The following CAP1 variants were observed in gnomAD, a reference collection of about 807,000 sequenced individuals.
CAP1 encodes cyclase associated actin cytoskeleton regulatory protein 1.
In CAP1, 11 loss-of-function variants were observed where a neutral mutation model predicts 58.2. The observed-to-expected ratio is 0.19, with a 90% confidence interval of 0.12 to 0.31. CAP1 has a LOEUF of 0.31. Ranked by LOEUF, CAP1 falls within the 10% of genes least tolerant of loss-of-function variation. The pLI is 1.00. For missense variants in CAP1, 423 were observed against 587.5 expected, an observed-to-expected ratio of 0.72 and a Z score of 2.89; for synonymous variants, 183 against 213.8, an observed-to-expected ratio of 0.86 and a Z score of 1.26.
At chr1:40,058,299 A>T (rs79459916) in intron 1 of CAP1, among the ~76,000 whole-genome samples, 3,592 of 152,280 alleles carry the variant, frequency 0.024, 90 homozygotes, top group East Asian at 0.079. Context: ...TGATCCTTCC[A>T]GCTGATATAT....
At chr1:40,065,823 C>G (rs1647044000) in intron 6 of CAP1, among the ~76,000 whole-genome samples, 1 of 152,166 alleles carries the variant, frequency 6.6e-6, no homozygotes, top group Admixed American at 6.5e-5. Flanking sequence ...AAGAGCTCTC[C>G]TCTCTACCAT....
chr1:40,049,296 T>A (rs1009136694), intron 1 of CAP1, among the ~76,000 whole-genome samples: 3 of 150,938 alleles, frequency 2.0e-5, no homozygotes, highest in African/African-American at 7.3e-5. Context: ...CAAGAGATTC[T>A]TGTGCCTCAG....
rs1647066639 is a variant in CAP1 at position 40,066,123 on chromosome 1, G to A, written c.525-92G>A. 14 of 730,520 alleles carry A rather than the reference G, an allele frequency of 1.9e-5. No homozygotes were observed. In the Admixed American group the frequency reaches 2.7e-4, roughly 14 times the overall value. The allele number at this position is 730,520 out of a possible 1,614,324, so 45.3% of individuals were successfully genotyped here. On this transcript the variant is annotated intron_variant, in intron 6 of 12. Coordinates refer to ENST00000372805, the MANE Select transcript of CAP1 (RefSeq NM_006367.4). ...GGAGCCTAAGAAACACCACGGGTAG[G>A]AGAATGTGAGCCCATAGGAAAGAAG...
rs567349047 is a variant in CAP1 at position 40,056,127 on chromosome 1, A to G, written c.-10-3210A>G. On this transcript the variant is annotated intron_variant, in intron 1 of 12. Transcript: ENST00000372805. Reference sequence around the variant, plus strand: ...AACCTCCAATCTCTCTGATTTCTCTAAAGAACACTCTTATCCACTATATAA... The same window carrying G: ...AACCTCCAATCTCTCTGATTTCTCTGAAGAACACTCTTATCCACTATATAA... Among the ~76,000 whole-genome samples the G allele has an allele frequency of 7.9e-5, 12 of 152,314 alleles. No individual in the cohort carries two copies. The East Asian group carries it at 1.2e-3, about 15-fold the overall frequency.
chr1:40,068,529 C>G (rs930318149), intron 8 of CAP1, among the ~76,000 whole-genome samples: 2 of 151,838 alleles, frequency 1.3e-5, no homozygotes, highest in Non-Finnish European at 2.9e-5. Context: ...CTGCCCACCT[C>G]GGCCTCCCAA....
chr1:40,058,236 C>T (rs1435822130), intron 1 of CAP1, among the ~76,000 whole-genome samples: 1 of 152,294 alleles, frequency 6.6e-6, no homozygotes, highest in South Asian at 2.1e-4. Flanking sequence ...AGATCTTTCT[C>T]ATCTTCATTT....
intron 1 of CAP1, chr1:40,041,342 T>A (rs1045680178): frequency 1.7e-4 from 26 of 150,454 alleles, no homozygotes; most frequent in African/African-American, 5.9e-4. Context: ...TGCGTGGAAC[T>A]TTTTTTTTTC....
At chr1:40,040,827 T>C (rs1431212451) in intron 1 of CAP1, 26 bp downstream of exon 1, 1 of 152,988 alleles carries the variant, frequency 6.5e-6, no homozygotes, top group African/African-American at 2.4e-5. Context: ...TTGGTAGGGA[T>C]TGGGGTCCCT....
intron 1 of CAP1, among the ~76,000 whole-genome samples, chr1:40,055,206 G>A (rs1233320979): frequency 1.3e-5 from 2 of 152,190 alleles, no homozygotes; most frequent in African/African-American, 4.8e-5. Context: ...GGTTGCTGTA[G>A]TGTGCTAAGG....
chr1:40,062,520 C>G (rs1042146206), intron 4 of CAP1, among the ~76,000 whole-genome samples: 8 of 152,074 alleles, frequency 5.3e-5, no homozygotes, highest in African/African-American at 1.7e-4. Context: ...GAGGCTGAGG[C>G]AGGAGGATCA....
Position 40,071,717 on chromosome 1 carries a change from C to A in CAP1, c.*184C>A. Reference sequence around the variant, plus strand: ...TGAAATTTGGGGTGGGATAGCAGGTCAGTTGATCTTCTGCAGGAAGGTGCA... The same window carrying A: ...TGAAATTTGGGGTGGGATAGCAGGTAAGTTGATCTTCTGCAGGAAGGTGCA... On this transcript the variant is annotated 3_prime_UTR_variant, in exon 13 of 13. Transcript: ENST00000372805. The A allele has an allele frequency of 1.7e-6, 1 of 575,894 alleles. No homozygotes were observed. The highest frequency in any genetic ancestry group is 3.1e-6 in the Non-Finnish European group (1 of 321,802). 35.7% of individuals were successfully genotyped at this position (575,894 alleles called of 1,614,324 possible). A position where few individuals can be genotyped will look rare whatever the true frequency, so the allele number is the denominator to read the frequency against.
At chr1:40,053,874 G>C (rs1646491638) in intron 1 of CAP1, among the ~76,000 whole-genome samples, 1 of 152,168 alleles carries the variant, frequency 6.6e-6, no homozygotes, top group Admixed American at 6.5e-5. Flanking sequence ...GATTAATAAT[G>C]TTAAGCATTT....
intron 8 of CAP1, 44 bp from the exon 9 acceptor site, chr1:40,069,646 G>A: frequency 6.5e-7 from 1 of 1,545,878 alleles, no homozygotes; most frequent in Non-Finnish European, 8.9e-7. Flanking sequence ...CAGCTCAAAG[G>A]TCTGGTATGA....
In CAP1 at chr1:40,066,332, C is replaced by A. The variant is rs76948641; in HGVS notation, c.630+12C>A. The A allele has an allele frequency of 4.0e-3, 5,607 of 1,416,358 alleles. 107 individuals carry two copies. The East Asian group carries it at 0.041, about 10-fold the overall frequency. 87.7% of individuals were successfully genotyped at this position (1,416,358 alleles called of 1,614,324 possible). On this transcript the variant is annotated intron_variant, in intron 7 of 12. Coordinates refer to ENST00000372805, the MANE Select transcript of CAP1 (RefSeq NM_006367.4). ...CCTGGAGCAAAACGGTTAGTGAATC[C>A]TTCCTCCCTCCCTCCCTCCCTCCCA...
chr1:40,070,224 A>G lies in CAP1; in HGVS notation c.1059A>G (p.Ile353Met), dbSNP rs375578395. ...EDTELKQVAY[I>M]YKCVNTTLQI... ...CAGAGCTGAAACAGGTGGCTTACATATACAAGTGTGTCAACACGACATTGC... is the reference window on the plus strand; with the variant it reads ...CAGAGCTGAAACAGGTGGCTTACATGTACAAGTGTGTCAACACGACATTGC... Residue 353 changes from isoleucine (I) to methionine (M), a missense_variant, in exon 10 of 13, where the codon ATA becomes ATG. By Grantham distance (10) the Ile-to-Met change is conservative. Transcript: ENST00000372805. The G allele has an allele frequency of 3.0e-5, 49 of 1,614,104 alleles. No individual in the cohort carries two copies. The highest frequency in any genetic ancestry group is 4.1e-5 in the Non-Finnish European group (48 of 1,180,038).
Position 40,072,397 on chromosome 1 carries a change from G to C in CAP1, c.*864G>C. ...GCTTATGGCTTCTGTCTAAGCACCT[G>C]AACAGAGGACTGAAACCTCCACTGC... is the stretch of plus-strand genomic sequence containing the variant. On this transcript the variant is annotated 3_prime_UTR_variant, in exon 13 of 13. Coordinates refer to ENST00000372805, the MANE Select transcript of CAP1 (RefSeq NM_006367.4). 3.9e-6 allele frequency: 1 copy of C among 257,766 alleles called. No homozygotes were observed. Among genetic ancestry groups the C allele is most frequent in the Admixed American group, 5.4e-5 (1 of 18,500 alleles). The allele number at this position is 257,766 out of a possible 1,614,324, so 16.0% of individuals were successfully genotyped here.
rs761683753 is a variant in CAP1 at position 40,064,213 on chromosome 1, G to A, written c.295-14G>A. 15 of 1,613,254 alleles carry A rather than the reference G, an allele frequency of 9.3e-6. No homozygotes were observed. Among genetic ancestry groups the A allele is most frequent in the Non-Finnish European group, 1.7e-6 (2 of 1,179,536 alleles). On this transcript the variant is annotated splice_polypyrimidine_tract_variant and intron_variant, in intron 4 of 12. Coordinates refer to ENST00000372805, the MANE Select transcript of CAP1 (RefSeq NM_006367.4). ...AAGATGTTAACCTGAATCTTTTCTT[G>A]TATCTTTTCCTAGAATAAGCTTTCC...
intron 1 of CAP1, among the ~76,000 whole-genome samples, chr1:40,047,536 T>C (rs1646161148): frequency 6.6e-6 from 1 of 152,250 alleles, no homozygotes; most frequent in Non-Finnish European, 1.5e-5. Flanking sequence ...AGATGAATCA[T>C]GGCTAAGGAC....
At chr1:40,067,066 A>G (rs892438410) in intron 7 of CAP1, among the ~76,000 whole-genome samples, 1 of 152,214 alleles carries the variant, frequency 6.6e-6, no homozygotes, top group African/African-American at 2.4e-5. Flanking sequence ...CATTTGCAGG[A>G]GATAGCACCA....
Sources: allele counts gnomAD v4.1 joint callset (sites outside exome capture counted in the v4.1 genomes callset), GRCh38; gene constraint gnomAD v4.1.1; transcripts MANE v1.5; gene names NCBI Gene and HGNC (gene_info 2026-07-23, HGNC 2026-07-21).